Variants in DSCAM observed in about 807,000 individuals in gnomAD.
DSCAM encodes the protein cell adhesion molecule DSCAM.
A neutral mutation model predicts 217.7 loss-of-function variants in DSCAM; 47 were observed. The observed-to-expected ratio is 0.22, with a 90% CI of 0.17 to 0.28. DSCAM has a LOEUF of 0.28. DSCAM is among the 10% of genes least tolerant of loss of function. The pLI, the probability that DSCAM is intolerant of heterozygous loss-of-function variation, is 1.00. For missense variants in DSCAM, 2,080 were observed against 2,618.3 expected (o/e 0.79, Z 4.49); for synonymous variants, 1,056 against 1,015.3 (o/e 1.04, Z -0.76).
chr21:40,784,333 C>T lies in DSCAM; in HGVS notation c.43+62286G>A, dbSNP rs185363769. Reference sequence around the variant, plus strand: ...TTACCCCTTTCGCTAGGCTCTGATTCTTTCTTGTCTGCTGCCGTGTAAGGC... The same window carrying T: ...TTACCCCTTTCGCTAGGCTCTGATTTTTTCTTGTCTGCTGCCGTGTAAGGC... On this transcript the variant is annotated intron_variant, in intron 1 of 32. Transcript: ENST00000400454. Among the ~76,000 whole-genome samples the T allele has an allele frequency of 3.5e-3, 536 of 152,222 alleles. 4 individuals are homozygous for T. Among genetic ancestry groups the T allele is most frequent in the African/African-American group, 0.012 (488 of 41,546 alleles).
chr21:40,223,609 A>C (rs1304964053), intron 11 of DSCAM, among the ~76,000 whole-genome samples: 1 of 152,190 alleles, frequency 6.6e-6, no homozygotes, highest in East Asian at 1.9e-4. Flanking sequence ...GCTCAGACAC[A>C]TCCATGTATC....
intron 1 of DSCAM, among the ~76,000 whole-genome samples, chr21:40,829,251 C>G (rs1182900104): frequency 6.6e-6 from 1 of 152,158 alleles, no homozygotes; most frequent in Admixed American, 6.5e-5. Context: ...CTTCGGTTTT[C>G]TCAGTAAATC....
intron 3 of DSCAM, among the ~76,000 whole-genome samples, chr21:40,464,759 T>G (rs899204960): frequency 1.3e-3 from 195 of 151,686 alleles, no homozygotes; most frequent in Middle Eastern, 3.4e-3. Flanking sequence ...TTTTTTTTTT[T>G]GAAGCAGAGT....
At chr21:40,269,529 G>A (rs563340605) in intron 11 of DSCAM, among the ~76,000 whole-genome samples, 2 of 152,320 alleles carry the variant, frequency 1.3e-5, no homozygotes, top group South Asian at 4.1e-4. Context: ...AGTGTATGGT[G>A]TCCCGGGGCT....
At chr21:40,620,775 TCATATAAAAAA>T (rs1000742000) in intron 3 of DSCAM, among the ~76,000 whole-genome samples, 1 of 152,224 alleles carries the variant, frequency 6.6e-6, no homozygotes, top group Non-Finnish European at 1.5e-5. Flanking sequence ...TACACTGTGT[TCATATAAAAAA>T]TCTGTAAATG....
chr21:40,285,140 G>A (rs1040632422), intron 10 of DSCAM, among the ~76,000 whole-genome samples: 4 of 152,110 alleles, frequency 2.6e-5, no homozygotes, highest in African/African-American at 9.7e-5. Context: ...TTCAGCACTC[G>A]TCAAGGGGTC....
intron 3 of DSCAM, among the ~76,000 whole-genome samples, chr21:40,545,018 G>A (rs1172367435): frequency 6.6e-6 from 1 of 152,126 alleles, no homozygotes; most frequent in African/African-American, 2.4e-5. Flanking sequence ...ACCCCAGTAG[G>A]TGAGGGTATT....
At chr21:40,832,309 G>A (rs184592099) in intron 1 of DSCAM, among the ~76,000 whole-genome samples, 8 of 152,222 alleles carry the variant, frequency 5.3e-5, no homozygotes, top group East Asian at 3.9e-4. Flanking sequence ...TAACGAGTGC[G>A]AATCAAATGG....
At chr21:40,583,785 C>G (rs1055027871) in intron 3 of DSCAM, among the ~76,000 whole-genome samples, 1 of 151,512 alleles carries the variant, frequency 6.6e-6, no homozygotes, top group South Asian at 2.1e-4. Flanking sequence ...ACCACTCTTG[C>G]GGGGGATGCT....
At chr21:40,095,106 GA>G (rs1292000597) in intron 20 of DSCAM, among the ~76,000 whole-genome samples, 1 of 152,212 alleles carries the variant, frequency 6.6e-6, no homozygotes, top group East Asian at 1.9e-4. Flanking sequence ...GATCACGGCA[GA>G]AGGTGAAAGG....
chr21:40,038,168 G>A (rs1043057987), intron 32 of DSCAM, among the ~76,000 whole-genome samples: 1 of 149,360 alleles, frequency 6.7e-6, no homozygotes, highest in African/African-American at 2.5e-5. Context: ...TTGACAAATG[G>A]GATCTAATTA....
At chr21:40,676,583 A>T (rs190912951) in intron 3 of DSCAM, among the ~76,000 whole-genome samples, 10 of 152,190 alleles carry the variant, frequency 6.6e-5, no homozygotes, top group African/African-American at 1.7e-4. Flanking sequence ...ATTTTTAAAA[A>T]TTTTTTTACT....
intron 3 of DSCAM, among the ~76,000 whole-genome samples, chr21:40,570,369 C>T (rs1209040915): frequency 3.3e-5 from 5 of 152,338 alleles, no homozygotes; most frequent in Admixed American, 6.5e-5. Flanking sequence ...AGCCCAGCCA[C>T]ATGTCAGATT....
intron 3 of DSCAM, among the ~76,000 whole-genome samples, chr21:40,677,025 A>C (rs1431278088): frequency 6.6e-6 from 1 of 152,158 alleles, no homozygotes; most frequent in Non-Finnish European, 1.5e-5. Context: ...ACAGATAACA[A>C]TGCTGAGAAC....
At chr21:40,036,968 C>G (rs200691516) in intron 32 of DSCAM, among the ~76,000 whole-genome samples, 24 of 150,608 alleles carry the variant, frequency 1.6e-4, no homozygotes, top group Admixed American at 4.6e-4. Context: ...ATTCAACAAC[C>G]CTTCATGCTA....
chr21:40,629,079 GTGTGTGTGTGT>G (rs2089648966), intron 3 of DSCAM, among the ~76,000 whole-genome samples: 1 of 1,510 alleles, frequency 6.6e-4, no homozygotes, highest in African/African-American at 2.4e-3. Flanking sequence ...TGTGTGTGGT[GTGTGTGTGTGT>G]GTGTGTGTGT....
intron 3 of DSCAM, among the ~76,000 whole-genome samples, chr21:40,473,555 C>G (rs2145972588): frequency 6.6e-6 from 1 of 152,304 alleles, no homozygotes; most frequent in East Asian, 1.9e-4. Flanking sequence ...CAGCGGTCAC[C>G]TATCAGGTAG....
intron 3 of DSCAM, among the ~76,000 whole-genome samples, chr21:40,526,353 C>G (rs75044728): frequency 0.017 from 2,610 of 152,234 alleles, 60 homozygotes; most frequent in African/African-American, 0.04. Context: ...CAAGGCCAAG[C>G]CTTTCAGGGA....
chr21:40,808,107 T>C (rs2123528562), intron 1 of DSCAM, among the ~76,000 whole-genome samples: 1 of 152,268 alleles, frequency 6.6e-6, no homozygotes, highest in East Asian at 1.9e-4. Context: ...GACTGGTCAA[T>C]GGGTGTTGCT....
Sources: gnomAD v4.1 joint callset for allele counts (sites outside exome capture counted in the v4.1 genomes callset) on GRCh38, gnomAD v4.1.1 for gene constraint, MANE v1.5 for transcripts, NCBI Gene and HGNC (gene_info 2026-07-23, HGNC 2026-07-21) for gene names.